NTRK1: variants seen among roughly 807,000 people sequenced by gnomAD.
The protein encoded by NTRK1 is high affinity nerve growth factor receptor.
NTRK1 carries 62 observed loss-of-function variants against 86.8 expected under a neutral mutation model. The ratio of observed to expected loss-of-function variants is 0.71; its 90% CI spans 0.58 to 0.88. The LOEUF (loss-of-function observed/expected upper bound fraction) is 0.88, where lower values mean the gene tolerates loss of function less well. NTRK1 is among the 40% of genes least tolerant of loss of function. The pLI is 0.00. For missense variants in NTRK1, 967 were observed against 1,078.4 expected (o/e 0.90, Z 1.45); for synonymous variants, 469 against 456.6 (o/e 1.03, Z -0.35).
At chr1:156,849,983 G>T (rs928289720) in intron 2 of NTRK1, among the ~76,000 whole-genome samples, 1 of 151,392 alleles carries the variant, frequency 6.6e-6, no homozygotes, top group Non-Finnish European at 1.5e-5. Context: ...GCCCACTGCC[G>T]CCTTGACCTC....
At chr1:156,817,628 A>C (rs1205864495) in intron 1 of NTRK1, among the ~76,000 whole-genome samples, 1 of 150,224 alleles carries the variant, frequency 6.7e-6, no homozygotes, top group Non-Finnish European at 1.5e-5. Flanking sequence ...CATTAATAAC[A>C]TCAGTGTTGA....
At chr1:156,841,992 G>A in intron 1 of NTRK1, 4 of 1,562,496 alleles carry the variant, frequency 2.6e-6, no homozygotes, top group Non-Finnish European at 3.5e-6. Context: ...TACAGGGTGG[G>A]GGTGACTTGC....
chr1:156,861,124 G>A lies in NTRK1; in HGVS notation c.190G>A (p.Gly64Ser), dbSNP rs753992251. The change falls in exon 1 of 17, where the codon GGC (glycine) becomes AGC (serine). Residue 64 changes from glycine to serine, a missense_variant. Physicochemically the swap from Gly to Ser is moderately conservative, Grantham distance 56. Around this residue, in one of 2 missense-constraint regions of NTRK1, gnomAD observed 330 missense variants for 302.0 expected, o/e 1.09. Transcript: ENST00000524377. Reference protein sequence around the residue: ...GALDSLHHLPGAENLTELYIE... With the variant: ...GALDSLHHLPSAENLTELYIE... ...CCTGGATAGCCTCCACCACCTGCCC[G>A]GCGCAGAGAACCTGACTGAGCTGTG... The A allele has an allele frequency of 1.9e-6, 3 of 1,580,844 alleles. No individual in the cohort carries two copies. Among genetic ancestry groups the A allele is most frequent in the South Asian group, 1.1e-5 (1 of 87,646 alleles).
rs11264577 is a variant in NTRK1 at position 156,867,175 on chromosome 1, A to G, written c.428+197A>G. On this transcript the variant is annotated intron_variant, in intron 4 of 16. Coordinates refer to ENST00000524377, the MANE Select transcript of NTRK1 (RefSeq NM_002529.4). ...ACCCGTTAAGGGGGCTACTGCCCTG[A>G]GGAGCTGGCCTGGATGACTGTGTGT... Among the ~76,000 whole-genome samples the G allele has an allele frequency of 0.13, 19,683 of 152,288 alleles. 3,026 individuals are homozygous for G. The highest frequency in any genetic ancestry group is 0.37 in the African/African-American group (15,364 of 41,532).
Position 156,843,057 on chromosome 1 carries a change from T to C in NTRK1, c.50+864T>C, listed in dbSNP as rs375306298. ...ACAGAAGCTTCCTTGAGGAACTCAA[T>C]GCATTCCCGTGGGCTGGCCAGCTCA... On this transcript the variant is annotated intron_variant, in intron 2 of 16. Coordinates refer to the NTRK1 transcript ENST00000392302. The C allele has an allele frequency of 1.2e-4, 189 of 1,614,186 alleles. 2 individuals are homozygous for C. The South Asian group carries it at 2.0e-3, about 17-fold the overall frequency.
chr1:156,849,477 G>C lies in NTRK1; in HGVS notation c.50+7284G>C, dbSNP rs1239124149. On this transcript the variant is annotated intron_variant, in intron 2 of 16. Coordinates refer to the NTRK1 transcript ENST00000392302. ...GTGTAGTTCCTGGGGGAGGCCAGGG[G>C]ACCTTGCTCTGCGGGGAGGTGGGGG... is the stretch of plus-strand genomic sequence containing the variant. 32 of 950,772 alleles carry C rather than the reference G, an allele frequency of 3.4e-5. 1 individual carries two copies. The highest frequency in any genetic ancestry group is 9.7e-5 in the Admixed American group (5 of 51,712). The allele number at this position is 950,772 out of a possible 1,614,324, so 58.9% of individuals were successfully genotyped here.
At chr1:156,818,506 C>G (rs1302353170) in intron 1 of NTRK1, among the ~76,000 whole-genome samples, 1 of 152,110 alleles carries the variant, frequency 6.6e-6, no homozygotes, top group African/African-American at 2.4e-5. Flanking sequence ...CCCCAAATTC[C>G]CTTATATCAC....
In NTRK1 at chr1:156,854,475, G is replaced by A. The variant is rs1655342405; in HGVS notation, c.51-9879G>A. ...CTGGGCCCCGGAGGGCTCACCTGCAGCCTGCAGGGTCTCTACCAGATGAGC... is the reference window on the plus strand; with the variant it reads ...CTGGGCCCCGGAGGGCTCACCTGCAACCTGCAGGGTCTCTACCAGATGAGC... On this transcript the variant is annotated intron_variant, in intron 2 of 16. Transcript: ENST00000392302. The surrounding 1 kb of genome is among the most constrained non-coding windows in gnomAD (Gnocchi z 4.2). Among the ~76,000 whole-genome samples, 1 of 152,164 alleles carries A rather than the reference G, an allele frequency of 6.6e-6. No individual in the cohort carries two copies. Among genetic ancestry groups the A allele is most frequent in the African/African-American group, 2.4e-5 (1 of 41,436 alleles).
intron 1 of NTRK1, among the ~76,000 whole-genome samples, chr1:156,835,544 A>G (rs1026337737): frequency 6.6e-6 from 1 of 152,078 alleles, no homozygotes; most frequent in Non-Finnish European, 1.5e-5. Flanking sequence ...ATCATCCACA[A>G]CTCATCACCC....
At chr1:156,845,868 T>TC (rs879929233) in intron 2 of NTRK1, 20 of 1,598,538 alleles carry the variant, frequency 1.3e-5, no homozygotes, top group East Asian at 4.5e-5. Context: ...CCGCCTCTGA[T>TC]CCCCCCCACC....
At chr1:156,861,921 A>G (rs902912609) in intron 1 of NTRK1, among the ~76,000 whole-genome samples, 6 of 152,200 alleles carry the variant, frequency 3.9e-5, no homozygotes, top group Non-Finnish European at 1.5e-5. Flanking sequence ...ATACTCAAGT[A>G]CTTTTTAGCA....
rs921378736 is a variant in NTRK1 at position 156,870,462 on chromosome 1, C to A, written c.718-1161C>A. ...CCTCAGTTAGGAGGATAAGGGGTGG[C>A]AGACCAGCTCAAGGGGAAGAGTTAT... On this transcript the variant is annotated intron_variant, in intron 6 of 16. Transcript: ENST00000524377. 3.3e-4 allele frequency among the ~76,000 whole-genome samples: 51 copies of A among 152,272 alleles called. 1 individual carries two copies. Among genetic ancestry groups the A allele is most frequent in the African/African-American group, 1.2e-3 (51 of 41,542 alleles).
intron 1 of NTRK1, among the ~76,000 whole-genome samples, chr1:156,822,419 G>C (rs1654212790): frequency 6.6e-6 from 1 of 152,130 alleles, no homozygotes; most frequent in Non-Finnish European, 1.5e-5. Flanking sequence ...AAAAGAGCCA[G>C]ATATGGTGGT....
intron 1 of NTRK1, chr1:156,837,897 G>A (rs1654635905): frequency 6.6e-6 from 1 of 152,160 alleles, no homozygotes; most frequent in South Asian, 2.1e-4. Flanking sequence ...CTGGGACTTG[G>A]AGCTTGGTAT....
chr1:156,820,326 A>T (rs1237728945), intron 1 of NTRK1, among the ~76,000 whole-genome samples: 2 of 152,198 alleles, frequency 1.3e-5, no homozygotes, highest in Non-Finnish European at 2.9e-5. Flanking sequence ...GGCTCACTGC[A>T]GCCTCAACCT....
intron 9 of NTRK1, 75 bp from the exon 10 acceptor site, chr1:156,874,496 G>A (rs2102909509): frequency 6.2e-7 from 1 of 1,612,226 alleles, no homozygotes; most frequent in Non-Finnish European, 8.5e-7. Context: ...GAGACCAGCT[G>A]GGGCCAGGGT....
At chr1:156,820,748 T>C (rs1049412972) in intron 1 of NTRK1, among the ~76,000 whole-genome samples, 2 of 152,352 alleles carry the variant, frequency 1.3e-5, no homozygotes, top group Admixed American at 1.3e-4. Flanking sequence ...TTTTGCATAG[T>C]ATTGCTTTGG....
upstream of NTRK1, among the ~76,000 whole-genome samples, chr1:156,859,990 C>G (rs1476010841): frequency 2.0e-5 from 3 of 152,234 alleles, no homozygotes; most frequent in East Asian, 5.8e-4. This position sits in a 1 kb window ranked among gnomAD's most constrained non-coding sequence, Gnocchi z 6.2. Flanking sequence ...GGTGCGCGGT[C>G]CTCAGCTCCA....
chr1:156,849,513 G>GGGGGGGGGCGGGGGGGGGC, intron 2 of NTRK1: 7 of 486,114 alleles, frequency 1.4e-5, no homozygotes, highest in Non-Finnish European at 2.5e-5. Context: ...CAGGGGGTGG[G>GGGGGGGGGCGGGGGGGGGC]AAAGGGGATG....
Sources: allele counts gnomAD v4.1 joint callset (sites outside exome capture counted in the v4.1 genomes callset), GRCh38; gene constraint gnomAD v4.1.1; regional missense constraint gnomAD v4.1.1; non-coding constraint Gnocchi (gnomAD v3.1); transcripts MANE v1.5; gene names NCBI Gene and HGNC (gene_info 2026-07-23, HGNC 2026-07-21).